BAHCC1: variants seen among roughly 807,000 people sequenced by gnomAD.
BAHCC1 encodes BAH domain and coiled-coil containing 1, also known as BAH and coiled-coil domain-containing protein 1.
In BAHCC1, 43 loss-of-function variants were observed where a neutral mutation model predicts 88.2. The observed-to-expected ratio is 0.49, with a 90% CI of 0.38 to 0.63. BAHCC1 has a LOEUF of 0.63. BAHCC1 is among the 20% of genes least tolerant of loss of function. BAHCC1 has a pLI of 0.00. For synonymous variants in BAHCC1, 1,510 were observed against 745.5 expected (o/e 2.03, Z -16.71); for missense variants, 3,023 against 1,654.8 (o/e 1.83, Z -14.34).
rs1598442311 is a variant in BAHCC1 at position 81,397,537 on chromosome 17, A to T, written c.-207+1902A>T. On this transcript the variant is annotated intron_variant, in intron 1 of 27. Transcript: ENST00000675386. Reference sequence around the variant, plus strand: ...GCGCCTTTGAAGCTGCAGGTTTCTGACCTCCCTCCCTTTCCTTCTTTCCCT... The same window carrying T: ...GCGCCTTTGAAGCTGCAGGTTTCTGTCCTCCCTCCCTTTCCTTCTTTCCCT... Among the ~76,000 whole-genome samples the T allele has an allele frequency of 2.6e-5, 4 of 151,420 alleles. No homozygotes were observed. In the East Asian group the frequency reaches 7.8e-4, roughly 30 times the overall value.
chr17:81,437,826 G>A (rs1364754354), intron 3 of BAHCC1, among the ~76,000 whole-genome samples: 1 of 151,590 alleles, frequency 6.6e-6, no homozygotes, highest in Non-Finnish European at 1.5e-5. Flanking sequence ...AGCCGGAAGA[G>A]GCCTGGCCAT....
chr17:81,431,838 C>G (rs1361268881), intron 3 of BAHCC1, among the ~76,000 whole-genome samples: 1 of 152,206 alleles, frequency 6.6e-6, no homozygotes, highest in Admixed American at 6.5e-5. Flanking sequence ...CCCTCTGCCC[C>G]GCAAGCTCCT....
At position 81,462,889 on chromosome 17, in the gene BAHCC1, G is replaced by A. The variant is rs782670557; in HGVS notation, c.7533G>A (p.Glu2511=). The change falls in exon 27 of 28, where the codon GAG becomes GAA. Residue 2511 remains glutamate, a synonymous_variant. Coordinates refer to ENST00000675386, the MANE Select transcript of BAHCC1 (RefSeq NM_001377448.1). ...TCGGCCGCATCGAGAGCATGTGGGA[G>A]TCGTGGGGCAGCAACATGGTGGTCA... ...PYIGRIESMW[E]SWGSNMVVKV... The A allele has an allele frequency of 1.3e-6, 1 of 785,912 alleles. No individual in the cohort carries two copies. The highest frequency in any genetic ancestry group is 2.4e-6 in the Non-Finnish European group (1 of 422,810). 48.7% of individuals were successfully genotyped at this position (785,912 alleles called of 1,614,324 possible). A position where few individuals can be genotyped will look rare whatever the true frequency, so the allele number is the denominator to read the frequency against.
At chr17:81,412,314 T>G (rs1195151505) in intron 2 of BAHCC1, among the ~76,000 whole-genome samples, 4 of 152,240 alleles carry the variant, frequency 2.6e-5, no homozygotes, top group African/African-American at 9.6e-5. Context: ...TTATTTTAAT[T>G]GAATACCAAA....
Position 81,452,754 on chromosome 17 carries a change from C to G in BAHCC1, c.4348C>G (p.Arg1450Gly). The G allele has an allele frequency of 1.3e-6, 1 of 749,838 alleles. No homozygotes were observed. The highest frequency in any genetic ancestry group is 2.5e-6 in the Non-Finnish European group (1 of 406,150). 46.4% of individuals were successfully genotyped at this position (749,838 alleles called of 1,614,324 possible). Residue 1450 changes from arginine to glycine, a missense_variant, in exon 14 of 28, where the codon CGG (arginine) becomes GGG (glycine). By Grantham distance (125) the Arg-to-Gly change is moderately radical. Coordinates refer to ENST00000675386, the MANE Select transcript of BAHCC1 (RefSeq NM_001377448.1). ...CGAGAGTTCACGGAGCCCTGCACGG[C>G]GGGGGCCTGGCCGGCCGAGGAAGCG... is the stretch of plus-strand genomic sequence containing the variant. ...RDESSRSPARRGPGRPRKRKH... is the reference protein window; with the variant it reads ...RDESSRSPARGGPGRPRKRKH...
At chr17:81,440,562 AC>A in intron 4 of BAHCC1, among the ~76,000 whole-genome samples, 1 of 152,076 alleles carries the variant, frequency 6.6e-6, no homozygotes, top group East Asian at 1.9e-4. Flanking sequence ...CCTGCTGCCC[AC>A]CCACCCAGCT....
rs782126835 is a variant in BAHCC1 at position 81,399,768 on chromosome 17, C to T, written c.29C>T (p.Pro10Leu). 1.1e-5 allele frequency: 13 copies of T among 1,212,494 alleles called. No individual in the cohort carries two copies. In the South Asian group the frequency reaches 3.4e-4, roughly 32 times the overall value. The allele number at this position is 1,212,494 out of a possible 1,614,324, so 75.1% of individuals were successfully genotyped here. A position where few individuals can be genotyped will look rare whatever the true frequency, so the allele number is the denominator to read the frequency against. The change falls in exon 2 of 28, where the codon CCG (proline) becomes CTG (leucine). Residue 10 changes from proline (P) to leucine (L), a missense_variant. Transcript: ENST00000675386. This position sits in a 1 kb window ranked among gnomAD's most constrained non-coding sequence, Gnocchi z 4.5. ...GATGGCCGCGACTTTGCGCCGCCGC[C>T]GCATCTGCTGTCGGAGCGCGGGAGC... is the stretch of plus-strand genomic sequence containing the variant. MDGRDFAPP[P>L]HLLSERGSLG... is the part of the protein sequence containing the mutation.
At position 81,419,788 on chromosome 17, in the gene BAHCC1, C is replaced by CTTTT. The variant is rs781909536; in HGVS notation, c.179-7012_179-7011insTTTT. Among the ~76,000 whole-genome samples, 12 of 102,290 alleles carry CTTTT rather than the reference C, an allele frequency of 1.2e-4. 2 individuals carry two copies. Among genetic ancestry groups the CTTTT allele is most frequent in the Non-Finnish European group, 5.9e-5 (3 of 50,704 alleles). 67.1% of individuals were successfully genotyped at this position (102,290 alleles called of 152,430 possible). ...TGGAGCTGCCGCCATCTCAACGAGG[C>CTTTT]GTTTTTTTTTTTTTTTTTTTTTACA... On this transcript the variant is annotated intron_variant, in intron 2 of 27. Coordinates refer to ENST00000675386, the MANE Select transcript of BAHCC1 (RefSeq NM_001377448.1).
At position 81,435,581 on chromosome 17, in the gene BAHCC1, G is replaced by A. The variant is rs571706743; in HGVS notation, c.359-2789G>A. The stretch of plus-strand genomic sequence containing the variant: ...GAAGGGGAGGTTCTGGAGCCCCGAC[G>A]TTCTAGCAGGAGCTTGCAGTTGAGG... On this transcript the variant is annotated intron_variant, in intron 3 of 27. Coordinates refer to ENST00000675386, the MANE Select transcript of BAHCC1 (RefSeq NM_001377448.1). The surrounding 1 kb of genome is among the most constrained non-coding windows in gnomAD (Gnocchi z 4.4). 6 of 447,432 alleles carry A rather than the reference G, an allele frequency of 1.3e-5. No homozygotes were observed. Among genetic ancestry groups the A allele is most frequent in the African/African-American group, 4.0e-5 (2 of 49,656 alleles). The allele number at this position is 447,432 out of a possible 1,614,324, so 27.7% of individuals were successfully genotyped here. A position where few individuals can be genotyped will look rare whatever the true frequency, so the allele number is the denominator to read the frequency against.
chr17:81,414,810 G>A (rs1479747786), intron 2 of BAHCC1, among the ~76,000 whole-genome samples: 1 of 151,982 alleles, frequency 6.6e-6, no homozygotes, highest in Non-Finnish European at 1.5e-5. Flanking sequence ...GAGGCGGCAG[G>A]CACCCCCTGG....
intron 2 of BAHCC1, among the ~76,000 whole-genome samples, chr17:81,415,255 G>A (rs1555648431): frequency 2.0e-5 from 3 of 152,216 alleles, no homozygotes; most frequent in Non-Finnish European, 4.4e-5. Context: ...TGCCTGGCTC[G>A]GTGCCACACA....
intron 2 of BAHCC1, among the ~76,000 whole-genome samples, chr17:81,420,765 G>A (rs2064107324): frequency 6.6e-6 from 1 of 152,220 alleles, no homozygotes; most frequent in Non-Finnish European, 1.5e-5. Flanking sequence ...GTCCTCGGTG[G>A]CCCCGCTGAC....
At chr17:81,458,049 AC>A in intron 17 of BAHCC1, 115 bp from the exon 18 acceptor site, 1 of 585,094 alleles carries the variant, frequency 1.7e-6, no homozygotes. Context: ...TTGCTGGGTA[AC>A]CCGGGGGCGG....
chr17:81,452,896 TG>T, intron 14 of BAHCC1, 45 bp downstream of exon 14: 1 of 681,780 alleles, frequency 1.5e-6, no homozygotes, highest in South Asian at 1.6e-5. Context: ...TGGCCGGCCC[TG>T]GGCCCTCGAG....
chr17:81,463,304 C>T (rs1421320959), intron 27 of BAHCC1, among the ~76,000 whole-genome samples: 1 of 152,218 alleles, frequency 6.6e-6, no homozygotes, highest in Non-Finnish European at 1.5e-5. Context: ...TTGCACTCAG[C>T]ACACCCTCTG....
intron 2 of BAHCC1, among the ~76,000 whole-genome samples, chr17:81,407,980 C>T (rs1419447288): frequency 3.9e-5 from 6 of 152,216 alleles, no homozygotes; most frequent in African/African-American, 4.8e-5. Flanking sequence ...CTCCATCCTC[C>T]GTCTCCTGGC....
intron 1 of BAHCC1, chr17:81,396,762 C>G (rs930847147): frequency 6.6e-6 from 1 of 152,262 alleles, no homozygotes; most frequent in Non-Finnish European, 1.5e-5. Context: ...ACCGGCGGCT[C>G]CAGGGTCACG....
At chr17:81,455,766 T>C (rs1189332567) in intron 15 of BAHCC1, among the ~76,000 whole-genome samples, 1 of 151,342 alleles carries the variant, frequency 6.6e-6, no homozygotes, top group Non-Finnish European at 1.5e-5. Context: ...GGCACCCCCT[T>C]TCTTCTTGGT....
In BAHCC1 at chr17:81,457,584, G is replaced by C. The variant is rs376622061; in HGVS notation, c.5033G>C (p.Gly1678Ala). Residue 1678 changes from glycine to alanine, a missense_variant, in exon 17 of 28, where the codon GGG (glycine) becomes GCG (alanine). Transcript: ENST00000675386. ...QKAKKKKERQ[G>A]LLGACRLSSP... The stretch of plus-strand genomic sequence containing the variant: ...GCCAAGAAGAAGAAGGAGAGGCAGG[G>C]GTTGCTAGGTAACCAGGAGGGAGGA... 5.7e-5 allele frequency: 42 copies of C among 735,428 alleles called. No homozygotes were observed. Among genetic ancestry groups the C allele is most frequent in the Non-Finnish European group, 9.6e-5 (38 of 395,584 alleles). 45.6% of individuals were successfully genotyped at this position (735,428 alleles called of 1,614,324 possible).
Sources: gnomAD v4.1 joint callset for allele counts (sites outside exome capture counted in the v4.1 genomes callset) on GRCh38, gnomAD v4.1.1 for gene constraint, Gnocchi (gnomAD v3.1) non-coding constraint, MANE v1.5 for transcripts, NCBI Gene and HGNC (gene_info 2026-07-23, HGNC 2026-07-21) for gene names.